ZBED6: variants seen among roughly 807,000 people sequenced by gnomAD.
The protein encoded by ZBED6 is zinc finger BED-type containing 6.
Under a neutral mutation model 58.4 loss-of-function variants are expected in ZBED6, and 40 were observed. The ratio of observed to expected loss-of-function variants is 0.68; its 90% CI spans 0.53 to 0.89. The LOEUF (loss-of-function observed/expected upper bound fraction) is 0.89, where lower values mean the gene tolerates loss of function less well. Among genes scored for constraint, ZBED6 ranks in the 40% least tolerant of loss-of-function variants. The pLI, the probability that ZBED6 is intolerant of heterozygous loss-of-function variation, is 0.00. For synonymous variants in ZBED6, 439 were observed against 350.6 expected (o/e 1.25, Z -2.82); for missense variants, 1,057 against 1,003.9 (o/e 1.05, Z -0.71).
chr1:203,826,629 A>C (rs910431421), intron 3 of ZBED6, among the ~76,000 whole-genome samples: 1 of 152,052 alleles, frequency 6.6e-6, no homozygotes, highest in African/African-American at 2.4e-5. Context: ...TGATACATTT[A>C]AGCATCTTTT....
At position 203,813,110 on chromosome 1, in the gene ZBED6, G is replaced by A. The variant is rs557531198; in HGVS notation, c.*2555-3816G>A. 5.3e-5 allele frequency among the ~76,000 whole-genome samples: 8 copies of A among 152,272 alleles called. No individual in the cohort carries two copies. In the South Asian group the frequency reaches 1.7e-3, roughly 32 times the overall value. On this transcript the variant is annotated intron_variant, in intron 1 of 16. Coordinates refer to ENST00000550078, the Ensembl canonical transcript of ZBED6. The stretch of plus-strand genomic sequence containing the variant: ...TTTTGCAAATATTTTCTCCCAGCCT[G>A]TGGCTTTTTCATTCTTTCTTAAGCT...
At chr1:203,827,974 T>C (rs1178948117) in intron 3 of ZBED6, among the ~76,000 whole-genome samples, 1 of 152,214 alleles carries the variant, frequency 6.6e-6, no homozygotes, top group African/African-American at 2.4e-5. Flanking sequence ...AGTAACATAA[T>C]AGAGATTCAG....
intron 15 of ZBED6, 56 bp downstream of exon 15, chr1:203,850,737 A>G: frequency 1.3e-6 from 2 of 1,573,872 alleles, no homozygotes; most frequent in Middle Eastern, 1.7e-4. Flanking sequence ...AAAGCAGGAA[A>G]GACTAACTCT....
At chr1:203,800,367 A>G (rs2102406620) in exon 1 of ZBED6, 1 of 971,466 alleles carries the variant, frequency 1.0e-6, no homozygotes, top group South Asian at 1.4e-5. Context: ...AATGAACTTG[A>G]AAAATGTTAA....
chr1:203,820,944 C>T (rs182962690), intron 3 of ZBED6, among the ~76,000 whole-genome samples: 9 of 151,848 alleles, frequency 5.9e-5, no homozygotes, highest in Admixed American at 2.6e-4. Context: ...ACTTTTAGAC[C>T]CTTTACCCCG....
intron 3 of ZBED6, among the ~76,000 whole-genome samples, chr1:203,826,854 C>T (rs1680691265): frequency 6.6e-6 from 1 of 152,076 alleles, no homozygotes; most frequent in Non-Finnish European, 1.5e-5. Context: ...AGTGCAAAAT[C>T]GTAATCTTAC....
chr1:203,835,802 A>C (rs1304231420), intron 9 of ZBED6: 1 of 243,376 alleles, frequency 4.1e-6, no homozygotes, highest in Non-Finnish European at 9.2e-6. Context: ...ATTTTGTTTC[A>C]TCTGGGGCAT....
rs1689123483 is a variant in ZBED6, at chr1:203,851,027, C to G, written c.*4806-30C>G. On this transcript the variant is annotated intron_variant, in intron 15 of 16. Transcript: ENST00000550078. ...TGCTCAAATTAAAAAGCCTGACTCT[C>G]ACTGAATTACCTGACTCTTCCTTTT... 4.3e-6 allele frequency: 7 copies of G among 1,610,784 alleles called. No homozygotes were observed. In the East Asian group the frequency reaches 1.6e-4, roughly 36 times the overall value.
chr1:203,814,284 G>GCC (rs1675499770), intron 1 of ZBED6, among the ~76,000 whole-genome samples: 1 of 152,196 alleles, frequency 6.6e-6, no homozygotes, highest in South Asian at 2.1e-4. Context: ...AGCACTTTGG[G>GCC]AGGCTGAGGT....
chr1:203,838,326 C>T (rs1027906797), intron 10 of ZBED6, among the ~76,000 whole-genome samples: 1 of 152,078 alleles, frequency 6.6e-6, no homozygotes, highest in Non-Finnish European at 1.5e-5. Context: ...AATTTTGTAA[C>T]AGAGAAAAGT....
intron 7 of ZBED6, among the ~76,000 whole-genome samples, 178 bp from the exon 8 acceptor site, chr1:203,831,483 G>T (rs1428238315): frequency 6.6e-6 from 1 of 152,084 alleles, no homozygotes; most frequent in Non-Finnish European, 1.5e-5. Context: ...TCATGCCCAA[G>T]GCTCCCCTCA....
chr1:203,848,525 C>A, intron 13 of ZBED6, 118 bp downstream of exon 13: 1 of 694,284 alleles, frequency 1.4e-6, no homozygotes, highest in Non-Finnish European at 2.4e-6. Context: ...AACAGTCTTT[C>A]TTTTTACTTA....
chr1:203,817,096 A>G, exon 2 of ZBED6: 3 of 1,587,838 alleles, frequency 1.9e-6, no homozygotes, highest in Non-Finnish European at 2.6e-6. Context: ...GAAGACTGCT[A>G]TTTTTTTTTC....
At chr1:203,846,698 G>T (rs1687992008) in intron 11 of ZBED6, among the ~76,000 whole-genome samples, 2 of 152,156 alleles carry the variant, frequency 1.3e-5, no homozygotes, top group East Asian at 3.8e-4. Context: ...TTTTTGTTAA[G>T]ATTTATAATG....
chr1:203,799,934 A>G, exon 1 of ZBED6: 4 of 1,536,126 alleles, frequency 2.6e-6, no homozygotes, highest in Non-Finnish European at 3.5e-6. Flanking sequence ...ATTATATGGA[A>G]TCTTCACCAG....
chr1:203,798,223 A>C, exon 1 of ZBED6: 1 of 1,536,142 alleles, frequency 6.5e-7, no homozygotes, highest in Non-Finnish European at 8.7e-7. Context: ...AAGCATGATA[A>C]ATCAGCATCT....
intron 13 of ZBED6, 77 bp from the exon 14 acceptor site, chr1:203,849,634 A>C (rs1316101852): frequency 1.5e-5 from 20 of 1,375,128 alleles, no homozygotes; most frequent in Non-Finnish European, 2.0e-5. Context: ...CTTAACTTAG[A>C]TGTTAGCCTG....
intron 1 of ZBED6, among the ~76,000 whole-genome samples, chr1:203,807,826 C>T (rs902410774): frequency 5.3e-5 from 8 of 152,074 alleles, no homozygotes; most frequent in African/African-American, 1.7e-4. Context: ...ACTGCAGCCT[C>T]GACCTCTTGG....
intron 1 of ZBED6, among the ~76,000 whole-genome samples, chr1:203,804,837 T>C (rs1017650693): frequency 4.6e-5 from 7 of 152,022 alleles, no homozygotes; most frequent in East Asian, 1.9e-4. Context: ...CATGCCCGGC[T>C]GATTTTTGTA....
Sources: allele counts gnomAD v4.1 joint callset (sites outside exome capture counted in the v4.1 genomes callset), GRCh38; gene constraint gnomAD v4.1.1; transcripts MANE v1.5; gene names NCBI Gene and HGNC (gene_info 2026-07-23, HGNC 2026-07-21).